The following KIF13A variants were observed in gnomAD, a reference collection of about 807,000 sequenced individuals.
KIF13A encodes the protein kinesin family member 13A.
In KIF13A, 79 loss-of-function variants were observed where a neutral mutation model predicts 212.2. The ratio of observed to expected loss-of-function variants is 0.37; its 90% CI spans 0.31 to 0.45. KIF13A has a LOEUF of 0.45. KIF13A is among the 20% of genes least tolerant of loss of function. The pLI is 1.00. For missense variants in KIF13A, 1,901 were observed against 2,209.0 expected, an observed-to-expected ratio of 0.86 and a Z score of 2.79; for synonymous variants, 789 against 808.6, an observed-to-expected ratio of 0.98 and a Z score of 0.41.
chr6:17,926,545 T>C lies in KIF13A; in HGVS notation c.147-28365A>G, dbSNP rs1417077292. Among the ~76,000 whole-genome samples the C allele has an allele frequency of 6.6e-6, 1 of 152,140 alleles. No individual in the cohort carries two copies. The highest frequency in any genetic ancestry group is 1.5e-5 in the Non-Finnish European group (1 of 68,016). Reference sequence around the variant, plus strand: ...CCATGCCTGGCCCCTGGTACGTTTCTTTAAAACACATGTAGGAGGTTTTTC... The same window carrying C: ...CCATGCCTGGCCCCTGGTACGTTTCCTTAAAACACATGTAGGAGGTTTTTC... On this transcript the variant is annotated intron_variant, in intron 2 of 38. Transcript: ENST00000259711. This position sits in a 1 kb window ranked among gnomAD's most constrained non-coding sequence, Gnocchi z 4.3.
chr6:17,868,335 T>A (rs1431476096), intron 4 of KIF13A, among the ~76,000 whole-genome samples: 1 of 152,246 alleles, frequency 6.6e-6, no homozygotes, highest in African/African-American at 2.4e-5. Context: ...AAAAAATGTA[T>A]TGATTCATTG....
intron 20 of KIF13A, among the ~76,000 whole-genome samples, chr6:17,801,262 C>A (rs570840352): frequency 6.6e-6 from 1 of 151,576 alleles, no homozygotes; most frequent in Non-Finnish European, 1.5e-5. Context: ...GAGGCCGAGG[C>A]GGGTGGATCA....
chr6:17,847,055 G>C (rs1418222712), intron 9 of KIF13A, among the ~76,000 whole-genome samples: 1 of 152,202 alleles, frequency 6.6e-6, no homozygotes, highest in Admixed American at 6.5e-5. Context: ...GGAGCATTCA[G>C]AATAGTGCCT....
chr6:17,862,589 G>C (rs1044794728), intron 4 of KIF13A, among the ~76,000 whole-genome samples: 1 of 151,858 alleles, frequency 6.6e-6, no homozygotes, highest in Non-Finnish European at 1.5e-5. Flanking sequence ...GATCTCTTGA[G>C]GGCAGGAGCT....
chr6:17,814,142 G>A (rs1338390574), intron 17 of KIF13A, among the ~76,000 whole-genome samples: 1 of 151,626 alleles, frequency 6.6e-6, no homozygotes, highest in Non-Finnish European at 1.5e-5. Context: ...TAGTAGAGAT[G>A]GGGTTTCACC....
At position 17,947,424 on chromosome 6, in the gene KIF13A, T is replaced by C. The variant is rs896823277; in HGVS notation, c.146+39630A>G. 3.9e-5 allele frequency among the ~76,000 whole-genome samples: 6 copies of C among 152,200 alleles called. No individual in the cohort carries two copies. Among genetic ancestry groups the C allele is most frequent in the Non-Finnish European group, 7.4e-5 (5 of 68,022 alleles). ...ATAAACTTATTTTAGCAAAATTTGATAATACCTAATAATTAAGGCTAGCTA... is the reference window on the plus strand; with the variant it reads ...ATAAACTTATTTTAGCAAAATTTGACAATACCTAATAATTAAGGCTAGCTA... On this transcript the variant is annotated intron_variant, in intron 2 of 38. Transcript: ENST00000259711. The surrounding 1 kb of genome is among the most constrained non-coding windows in gnomAD (Gnocchi z 4.6).
chr6:17,763,383 T>G (rs1234540698), downstream of KIF13A, among the ~76,000 whole-genome samples: 2 of 141,962 alleles, frequency 1.4e-5, no homozygotes, highest in Non-Finnish European at 3.0e-5. Context: ...GGCAGGAGGA[T>G]CACGTGAGCC....
At chr6:17,954,929 T>C (rs777287346) in intron 2 of KIF13A, among the ~76,000 whole-genome samples, 1 of 152,140 alleles carries the variant, frequency 6.6e-6, no homozygotes, top group Non-Finnish European at 1.5e-5. Flanking sequence ...CCCTTCCACC[T>C]TGGCCTCCTA....
At chr6:17,867,675 G>T (rs1243931628) in intron 4 of KIF13A, among the ~76,000 whole-genome samples, 1 of 152,168 alleles carries the variant, frequency 6.6e-6, no homozygotes, top group East Asian at 1.9e-4. Context: ...CTAGAAAAAA[G>T]ACTTCATTCA....
rs750965259 is a variant in KIF13A at position 17,779,694 on chromosome 6, A to C, written c.3847-10T>G. 8.1e-7 allele frequency: 1 copy of C among 1,229,520 alleles called. No homozygotes were observed. The highest frequency in any genetic ancestry group is 2.1e-5 in the Admixed American group (1 of 46,958). 76.2% of individuals were successfully genotyped at this position (1,229,520 alleles called of 1,614,324 possible). A position where few individuals can be genotyped will look rare whatever the true frequency, so the allele number is the denominator to read the frequency against. ...AACTCTGCGTGAAACTCTAGTAGAA[A>C]AAAAAAAAAGCTGTATTAAGCTATG... On this transcript the variant is annotated splice_polypyrimidine_tract_variant and intron_variant, in intron 31 of 38. Transcript: ENST00000259711.
In KIF13A at chr6:17,882,277, T is replaced by C; in HGVS notation, c.160-8840A>G. 1.0e-5 allele frequency: 3 copies of C among 299,956 alleles called. No individual in the cohort carries two copies. In the Admixed American group the frequency reaches 1.2e-4, roughly 12 times the overall value. 18.6% of individuals were successfully genotyped at this position (299,956 alleles called of 1,614,324 possible). ...AGGGGCTACAGGGAACTCAAGTATG[T>C]ACTAGGCATGTTTGTATCCTCTTGC... On this transcript the variant is annotated intron_variant, in intron 3 of 38. Transcript: ENST00000259711.
intron 16 of KIF13A, among the ~76,000 whole-genome samples, chr6:17,819,587 C>T (rs1764254350): frequency 6.6e-6 from 1 of 150,544 alleles, no homozygotes; most frequent in African/African-American, 2.4e-5. Flanking sequence ...AGAATATAAA[C>T]TGGGGGAAAA....
At chr6:17,906,944 T>C (rs1285018492) in intron 2 of KIF13A, among the ~76,000 whole-genome samples, 2 of 152,184 alleles carry the variant, frequency 1.3e-5, no homozygotes, top group Non-Finnish European at 2.9e-5. Context: ...GCAGAGGTGC[T>C]GGGTGAGATA....
chr6:17,827,340 G>GC (rs1418047817), intron 14 of KIF13A, among the ~76,000 whole-genome samples: 2 of 151,994 alleles, frequency 1.3e-5, no homozygotes, highest in South Asian at 2.1e-4. Flanking sequence ...CAGGCAATAT[G>GC]CCCCCCTTGG....
intron 2 of KIF13A, among the ~76,000 whole-genome samples, chr6:17,957,602 A>C (rs184052489): frequency 6.6e-6 from 1 of 152,168 alleles, no homozygotes; most frequent in Non-Finnish European, 1.5e-5. Context: ...CTGATGTTTA[A>C]AACAGGGGGG....
At chr6:17,859,176 G>C (rs1768450474) in intron 4 of KIF13A, among the ~76,000 whole-genome samples, 2 of 152,058 alleles carry the variant, frequency 1.3e-5, no homozygotes, top group African/African-American at 4.8e-5. Context: ...TTGTTAGTTG[G>C]AAAAACAAGG....
chr6:17,948,238 A>AAG (rs1189722869), intron 2 of KIF13A, among the ~76,000 whole-genome samples: 6 of 152,206 alleles, frequency 3.9e-5, no homozygotes, highest in Non-Finnish European at 8.8e-5. Flanking sequence ...ACTTGACTTG[A>AAG]AGAGATTCAT....
intron 2 of KIF13A, among the ~76,000 whole-genome samples, chr6:17,930,320 G>T (rs554107457): frequency 6.6e-6 from 1 of 152,188 alleles, no homozygotes; most frequent in Non-Finnish European, 1.5e-5. Flanking sequence ...GAATGTATAA[G>T]GGAGAGCTCA....
At chr6:17,884,331 T>C (rs1321608508) in intron 3 of KIF13A, among the ~76,000 whole-genome samples, 2 of 152,368 alleles carry the variant, frequency 1.3e-5, no homozygotes, top group South Asian at 2.1e-4. Flanking sequence ...ATTATCATTA[T>C]GTACTGATGG....
Sources: allele counts gnomAD v4.1 joint callset (sites outside exome capture counted in the v4.1 genomes callset), GRCh38; gene constraint gnomAD v4.1.1; non-coding constraint Gnocchi (gnomAD v3.1); transcripts MANE v1.5; gene names NCBI Gene and HGNC (gene_info 2026-07-23, HGNC 2026-07-21).